KCNIP1: variants seen among roughly 807,000 people sequenced by gnomAD.
KCNIP1 encodes the protein potassium voltage-gated channel interacting protein 1.
In KCNIP1, 18 loss-of-function variants were observed where a neutral mutation model predicts 33.0. The observed-to-expected ratio is 0.55, with a 90% CI of 0.38 to 0.81. The LOEUF is 0.81. KCNIP1 is among the 30% of genes least tolerant of loss of function. The pLI is 0.00. For missense variants in KCNIP1, 238 were observed against 271.6 expected (o/e 0.88, Z 0.87); for synonymous variants, 93 against 98.3 (o/e 0.95, Z 0.32).
intron 1 of KCNIP1, among the ~76,000 whole-genome samples, chr5:170,418,093 T>C (rs1755379986): frequency 6.6e-6 from 1 of 152,200 alleles, no homozygotes; most frequent in Non-Finnish European, 1.5e-5. Flanking sequence ...ATCTCATCAG[T>C]GCCCAAAACT....
chr5:170,390,517 A>AAAAAAAAAAAAATATAT, intron 1 of KCNIP1, among the ~76,000 whole-genome samples: 16 of 74,538 alleles, frequency 2.1e-4, no homozygotes, highest in Admixed American at 8.8e-4. Context: ...AAAAAAAACA[A>AAAAAAAAAAAAATATAT]ATATATATAT....
intron 1 of KCNIP1, among the ~76,000 whole-genome samples, chr5:170,358,530 G>A (rs941787824): frequency 2.0e-5 from 3 of 152,198 alleles, no homozygotes; most frequent in Non-Finnish European, 4.4e-5. Context: ...TACCAGCTGT[G>A]TGAAGTTGTG....
At position 170,732,832 on chromosome 5, in the gene KCNIP1, C is replaced by T. The variant is rs1244659478; in HGVS notation, c.468C>T (p.Asp156=). Residue 156 remains aspartate (D), a synonymous_variant, in exon 6 of 8, where the codon GAC becomes GAT. Coordinates refer to ENST00000328939, the MANE Select transcript of KCNIP1 (RefSeq NM_014592.4). ...EMMDIVKAIY[D]MMGKYTYPVL... ...TGGACATTGTCAAAGCCATCTATGA[C>T]ATGATGGGGAAATACACATATCCTG... 4 of 1,613,164 alleles carry T rather than the reference C, an allele frequency of 2.5e-6. No individual in the cohort carries two copies. In the South Asian group the frequency reaches 3.3e-5, roughly 13 times the overall value.
At chr5:170,464,930 T>C (rs1440774249) in intron 1 of KCNIP1, among the ~76,000 whole-genome samples, 3 of 152,204 alleles carry the variant, frequency 2.0e-5, no homozygotes, top group Middle Eastern at 3.4e-3. Context: ...CTGGCTTGAG[T>C]GTGGATGCCC....
At chr5:170,464,897 C>T (rs1451064372) in intron 1 of KCNIP1, among the ~76,000 whole-genome samples, 4 of 152,174 alleles carry the variant, frequency 2.6e-5, no homozygotes, top group Admixed American at 2.0e-4. Context: ...CAGTGGACAG[C>T]CTGCTTTCTA....
At position 170,614,915 on chromosome 5, in the gene KCNIP1, T is replaced by C. The variant is rs564561136; in HGVS notation, c.62-103843T>C. On this transcript the variant is annotated intron_variant, in intron 1 of 7. Transcript: ENST00000328939. ...GTAAGGTAGGAGCTTCACAGATGGT[T>C]AAAGCAAAACAGAACATGGGCCGGG... 3.9e-5 allele frequency among the ~76,000 whole-genome samples: 6 copies of C among 152,326 alleles called. No homozygotes were observed. In the East Asian group the frequency reaches 1.2e-3, roughly 29 times the overall value.
chr5:170,623,562 A>G (rs1246485826), intron 1 of KCNIP1, among the ~76,000 whole-genome samples: 1 of 152,010 alleles, frequency 6.6e-6, no homozygotes, highest in East Asian at 1.9e-4. Flanking sequence ...TGTTATGGTG[A>G]CCCTAAGAGG....
rs1554088941 is a variant in KCNIP1, at chr5:170,390,517, A to ATATATATATATATAT, written c.88+36553_88+36554insTATATATATATATAT. ...GACCCCGTCTCAAAAAAAAAAAACAAATATATATATATATATATATATTTT... is the reference window on the plus strand; with the variant it reads ...GACCCCGTCTCAAAAAAAAAAAACAATATATATATATATATATATATATATATATATATATATTTT... On this transcript the variant is annotated intron_variant, in intron 1 of 7. Coordinates refer to the KCNIP1 transcript ENST00000377360. Among the ~76,000 whole-genome samples, 333 of 74,418 alleles carry ATATATATATATATAT rather than the reference A, an allele frequency of 4.5e-3. 17 individuals carry two copies. Among genetic ancestry groups the ATATATATATATATAT allele is most frequent in the Admixed American group, 7.8e-3 (53 of 6,808 alleles). The allele number at this position is 74,418 out of a possible 152,430, so 48.8% of individuals were successfully genotyped here.
At chr5:170,371,099 G>T (rs982059142) in intron 1 of KCNIP1, among the ~76,000 whole-genome samples, 1 of 152,094 alleles carries the variant, frequency 6.6e-6, no homozygotes. Flanking sequence ...GAGCTGTGCC[G>T]GTGTACCAGT....
rs1309963731 is a variant in KCNIP1, at chr5:170,704,009, A to C, written c.62-14749A>C. On this transcript the variant is annotated intron_variant, in intron 1 of 7. Transcript: ENST00000328939. Reference sequence around the variant, plus strand: ...GATACCTGCTGGGTGATTGCTAGAGATAATAAGTGCTTTGGGAATTTGGAC... The same window carrying C: ...GATACCTGCTGGGTGATTGCTAGAGCTAATAAGTGCTTTGGGAATTTGGAC... 1.4e-5 allele frequency among the ~76,000 whole-genome samples: 2 copies of C among 138,078 alleles called. 1 individual carries two copies. Among genetic ancestry groups the C allele is most frequent in the Non-Finnish European group, 3.0e-5 (2 of 65,770 alleles). The allele number at this position is 138,078 out of a possible 152,430, so 90.6% of individuals were successfully genotyped here. A position where few individuals can be genotyped will look rare whatever the true frequency, so the allele number is the denominator to read the frequency against.
chr5:170,616,781 C>T (rs888940926), intron 1 of KCNIP1, among the ~76,000 whole-genome samples: 43 of 152,320 alleles, frequency 2.8e-4, no homozygotes, highest in African/African-American at 9.1e-4. Context: ...TCTAGACCTT[C>T]GCCCAGGCTA....
chr5:170,390,889 C>T (rs1024468229), intron 1 of KCNIP1, among the ~76,000 whole-genome samples: 16 of 152,134 alleles, frequency 1.1e-4, no homozygotes, highest in African/African-American at 3.6e-4. Flanking sequence ...CCCTGCTGAG[C>T]GAGCTCACCA....
intron 1 of KCNIP1, among the ~76,000 whole-genome samples, chr5:170,687,516 T>C (rs964556949): frequency 1.3e-5 from 2 of 152,210 alleles, no homozygotes; most frequent in African/African-American, 4.8e-5. Context: ...AAAATTATAC[T>C]ACTAACATAG....
At chr5:170,410,392 T>C (rs13187482) in intron 1 of KCNIP1, among the ~76,000 whole-genome samples, 1 of 145,430 alleles carries the variant, frequency 6.9e-6, no homozygotes, top group Admixed American at 6.8e-5. Flanking sequence ...CCATGCAGGG[T>C]ATTGCAGACA....
intron 1 of KCNIP1, among the ~76,000 whole-genome samples, chr5:170,616,198 A>T (rs1037795665): frequency 6.6e-6 from 1 of 152,212 alleles, no homozygotes; most frequent in Non-Finnish European, 1.5e-5. Context: ...TTTTTATTCC[A>T]TAGGGTAGTT....
intron 1 of KCNIP1, among the ~76,000 whole-genome samples, chr5:170,676,501 G>A (rs868543928): frequency 1.1e-4 from 16 of 152,014 alleles, no homozygotes; most frequent in African/African-American, 2.2e-4. Context: ...CATTTCTTTC[G>A]CACCTTTTAA....
rs966750940 is a variant in KCNIP1 at position 170,720,235 on chromosome 5, G to A, written c.187-86G>A. On this transcript the variant is annotated intron_variant, in intron 2 of 7. Coordinates refer to ENST00000328939, the MANE Select transcript of KCNIP1 (RefSeq NM_014592.4). ...AGGTCCCTGTCCCTGGGGATCATGAGGAACCCCAGACACCAAGGCTGGGCC... is the reference window on the plus strand; with the variant it reads ...AGGTCCCTGTCCCTGGGGATCATGAAGAACCCCAGACACCAAGGCTGGGCC... 2.8e-5 allele frequency: 26 copies of A among 923,924 alleles called. No homozygotes were observed. In the Admixed American group the frequency reaches 4.3e-4, roughly 15 times the overall value. 57.2% of individuals were successfully genotyped at this position (923,924 alleles called of 1,614,324 possible).
intron 1 of KCNIP1, among the ~76,000 whole-genome samples, chr5:170,474,480 T>C (rs1361337076): frequency 6.6e-6 from 1 of 152,156 alleles, no homozygotes. Flanking sequence ...AACCTAGAAG[T>C]GTGGGGGTTA....
At chr5:170,595,837 T>C (rs879582636) in intron 1 of KCNIP1, among the ~76,000 whole-genome samples, 3 of 152,200 alleles carry the variant, frequency 2.0e-5, no homozygotes, top group Non-Finnish European at 4.4e-5. Context: ...CAGTCCATCA[T>C]CTCTTTACAT....
Sources: gnomAD v4.1 joint callset for allele counts (sites outside exome capture counted in the v4.1 genomes callset) on GRCh38, gnomAD v4.1.1 for gene constraint, MANE v1.5 for transcripts, NCBI Gene and HGNC (gene_info 2026-07-23, HGNC 2026-07-21) for gene names.